LRFN5: variants seen among roughly 807,000 people sequenced by gnomAD.
The protein encoded by LRFN5 is leucine-rich repeat and fibronectin type-III domain-containing protein 5.
Under a neutral mutation model 45.6 loss-of-function variants are expected in LRFN5, and 24 were observed. The ratio of observed to expected loss-of-function variants is 0.53; its 90% confidence interval spans 0.38 to 0.74. The LOEUF (loss-of-function observed/expected upper bound fraction) is 0.74. LRFN5 is among the 30% of genes least tolerant of loss of function. The pLI is 0.00. For missense variants in LRFN5, 776 were observed against 861.5 expected (o/e 0.90, Z 1.24); for synonymous variants, 340 against 313.8 (o/e 1.08, Z -0.88).
Position 41,716,435 on chromosome 14 carries a change from G to A in LRFN5, c.-196-50419G>A, listed in dbSNP as rs193213409. Among the ~76,000 whole-genome samples, 59 of 152,232 alleles carry A rather than the reference G, an allele frequency of 3.9e-4. No homozygotes were observed. In the East Asian group the frequency reaches 8.1e-3, roughly 21 times the overall value. ...TAACAGCACACAAGTCACCTCTTCA[G>A]TGCTTTGCTGCTTAGAAATTTCTTC... On this transcript the variant is annotated intron_variant, in intron 1 of 5. Coordinates refer to ENST00000298119, the MANE Select transcript of LRFN5 (RefSeq NM_152447.5).
chr14:41,856,675 A>ATTTTTTTT lies in LRFN5; in HGVS notation c.-20-29919_-20-29912dup, dbSNP rs1555326982. On this transcript the variant is annotated intron_variant, in intron 2 of 5. Transcript: ENST00000298119. ...TTCTTTCCTAATTATTATTATTATTATTTTTTTTTTTTTTTTTTTGAGACG... is the reference window on the plus strand; with the variant it reads ...TTCTTTCCTAATTATTATTATTATTATTTTTTTTTTTTTTTTTTTTTTTTTTTGAGACG... 6.5e-4 allele frequency among the ~76,000 whole-genome samples: 12 copies of ATTTTTTTT among 18,328 alleles called. 1 individual carries two copies. Among genetic ancestry groups the ATTTTTTTT allele is most frequent in the African/African-American group, 1.4e-3 (11 of 7,816 alleles). The allele number at this position is 18,328 out of a possible 152,430, so 12.0% of individuals were successfully genotyped here.
intron 1 of LRFN5, among the ~76,000 whole-genome samples, chr14:41,613,453 A>C (rs1298051256): frequency 1.3e-5 from 2 of 152,042 alleles, no homozygotes; most frequent in African/African-American, 4.8e-5. Flanking sequence ...ATCTTTTTAC[A>C]AAAGAAATCT....
chr14:41,876,639 T>G lies in LRFN5; in HGVS notation c.-20-9967T>G, dbSNP rs191028814. Among the ~76,000 whole-genome samples the G allele has an allele frequency of 1.7e-4, 26 of 152,062 alleles. No homozygotes were observed. The East Asian group carries it at 5.1e-3, about 30-fold the overall frequency. On this transcript the variant is annotated intron_variant, in intron 2 of 5. Transcript: ENST00000298119. ...CTCCCTTTCACCTGTAAAATATAGGTTTACTGAGCACTAATCAGAGTCTCA... is the reference window on the plus strand; with the variant it reads ...CTCCCTTTCACCTGTAAAATATAGGGTTACTGAGCACTAATCAGAGTCTCA...
chr14:41,875,689 A>G (rs544543096), intron 2 of LRFN5, among the ~76,000 whole-genome samples: 1 of 152,342 alleles, frequency 6.6e-6, no homozygotes, highest in East Asian at 1.9e-4. Flanking sequence ...AAAATGAATG[A>G]CTATAGTTAA....
At chr14:41,688,049 G>C (rs534664773) in intron 1 of LRFN5, among the ~76,000 whole-genome samples, 16 of 152,296 alleles carry the variant, frequency 1.1e-4, no homozygotes, top group African/African-American at 3.8e-4. Flanking sequence ...TATGTTAAGT[G>C]TGGTAAACCA....
chr14:41,777,212 AG>A (rs2138907366), intron 2 of LRFN5, among the ~76,000 whole-genome samples: 1 of 151,908 alleles, frequency 6.6e-6, no homozygotes, highest in East Asian at 1.9e-4. Context: ...TAATTTTAGG[AG>A]TACACAAGTT....
chr14:41,888,972 T>C (rs1890677131), intron 3 of LRFN5, among the ~76,000 whole-genome samples: 1 of 148,980 alleles, frequency 6.7e-6, no homozygotes, highest in South Asian at 2.2e-4. Context: ...TATACACATA[T>C]GTGTGTATGT....
intron 1 of LRFN5, among the ~76,000 whole-genome samples, chr14:41,750,977 C>G (rs904313349): frequency 1.3e-5 from 2 of 152,106 alleles, no homozygotes; most frequent in African/African-American, 4.8e-5. Context: ...CCCTCAGCCC[C>G]CTACGTCCCG....
chr14:41,673,130 C>T (rs145172421), intron 1 of LRFN5, among the ~76,000 whole-genome samples: 9 of 151,988 alleles, frequency 5.9e-5, no homozygotes, highest in East Asian at 1.9e-4. Context: ...TACACAGACA[C>T]GGCAACCATC....
intron 1 of LRFN5, among the ~76,000 whole-genome samples, chr14:41,664,222 A>T (rs1437056943): frequency 1.3e-5 from 2 of 152,080 alleles, no homozygotes; most frequent in Non-Finnish European, 2.9e-5. Context: ...GTGATGTTGT[A>T]CCTTTAACTT....
Position 41,608,506 on chromosome 14 carries a change from A to G in LRFN5, c.-253A>G, listed in dbSNP as rs1300396783. 1 of 152,678 alleles carries G rather than the reference A, an allele frequency of 6.5e-6. No individual in the cohort carries two copies. The highest frequency in any genetic ancestry group is 1.5e-5 in the Non-Finnish European group (1 of 68,092). The allele number at this position is 152,678 out of a possible 1,614,324, so 9.5% of individuals were successfully genotyped here. A position where few individuals can be genotyped will look rare whatever the true frequency, so the allele number is the denominator to read the frequency against. On this transcript the variant is annotated 5_prime_UTR_variant, in exon 1 of 6. Coordinates refer to ENST00000298119, the MANE Select transcript of LRFN5 (RefSeq NM_152447.5). ...AGCCACCTGGAGCCACCTTGCCGGGATTGTACCTGCAGGCAGAAAGTCTTC... is the reference window on the plus strand; with the variant it reads ...AGCCACCTGGAGCCACCTTGCCGGGGTTGTACCTGCAGGCAGAAAGTCTTC...
Position 41,863,013 on chromosome 14 carries a change from C to T in LRFN5, c.-20-23593C>T, listed in dbSNP as rs570600186. ...CCGAGTAGGTGGGACTACAGGCGCCCGCCATGATGCCCGGCTAATTTTTTG... is the reference window on the plus strand; with the variant it reads ...CCGAGTAGGTGGGACTACAGGCGCCTGCCATGATGCCCGGCTAATTTTTTG... On this transcript the variant is annotated intron_variant, in intron 2 of 5. Coordinates refer to ENST00000298119, the MANE Select transcript of LRFN5 (RefSeq NM_152447.5). Among the ~76,000 whole-genome samples the T allele has an allele frequency of 6.8e-4, 103 of 151,870 alleles. 1 individual carries two copies. Among genetic ancestry groups the T allele is most frequent in the South Asian group, 6.3e-4 (3 of 4,796 alleles).
At chr14:41,646,790 T>C (rs1371654268) in intron 1 of LRFN5, among the ~76,000 whole-genome samples, 1 of 152,206 alleles carries the variant, frequency 6.6e-6, no homozygotes, top group Admixed American at 6.5e-5. Context: ...CTGTTGATAT[T>C]GGCCATGGGC....
At chr14:41,862,415 A>G (rs1387722147) in intron 2 of LRFN5, among the ~76,000 whole-genome samples, 2 of 152,170 alleles carry the variant, frequency 1.3e-5, no homozygotes, top group African/African-American at 4.8e-5. Context: ...GGGGTTAATT[A>G]ATTTTTTCTT....
At chr14:41,631,518 CAT>C (rs2138579514) in intron 1 of LRFN5, among the ~76,000 whole-genome samples, 1 of 151,446 alleles carries the variant, frequency 6.6e-6, no homozygotes, top group East Asian at 1.9e-4. Flanking sequence ...AATGAGGAAA[CAT>C]ATAAATAAAA....
At position 41,887,674 on chromosome 14, in the gene LRFN5, A is replaced by G. The variant is rs1269014463; in HGVS notation, c.1049A>G (p.Lys350Arg). ...CTTGACATTCTTATCACAACTGTAA[A>G]GGATACAGGTGCTTTTACCTGCATT... ...GTLDILITTV[K>R]DTGAFTCIAS... Residue 350 changes from lysine to arginine, a missense_variant, in exon 3 of 6, where the codon AAG (lysine) becomes AGG (arginine). Physicochemically the swap from Lys to Arg is conservative, Grantham distance 26. Transcript: ENST00000298119. The surrounding 1 kb of genome is among the most constrained non-coding windows in gnomAD (Gnocchi z 4.8). 2 of 1,614,086 alleles carry G rather than the reference A, an allele frequency of 1.2e-6. No homozygotes were observed. The highest frequency in any genetic ancestry group is 1.7e-6 in the Non-Finnish European group (2 of 1,180,042).
In LRFN5 at chr14:41,772,987, A is replaced by G. The variant is rs190444020; in HGVS notation, c.-21+5958A>G. 2.6e-3 allele frequency among the ~76,000 whole-genome samples: 400 copies of G among 152,264 alleles called. 2 individuals are homozygous for G. The highest frequency in any genetic ancestry group is 9.2e-3 in the African/African-American group (384 of 41,542). On this transcript the variant is annotated intron_variant, in intron 2 of 5. Transcript: ENST00000298119. Reference sequence around the variant, plus strand: ...CCTAAATTATTTACAATACCCAGCGATGTATCTATTTTGCTTATTCTCCAC... The same window carrying G: ...CCTAAATTATTTACAATACCCAGCGGTGTATCTATTTTGCTTATTCTCCAC...
intron 2 of LRFN5, among the ~76,000 whole-genome samples, chr14:41,877,238 T>C (rs1427780728): frequency 1.3e-5 from 2 of 152,182 alleles, no homozygotes; most frequent in South Asian, 2.1e-4. Flanking sequence ...TTGTGCAATA[T>C]AGTTGCACAA....
intron 2 of LRFN5, among the ~76,000 whole-genome samples, chr14:41,802,615 T>TA (rs1487935424): frequency 6.6e-6 from 1 of 152,184 alleles, no homozygotes; most frequent in Non-Finnish European, 1.5e-5. Context: ...TAGGCTAGGA[T>TA]AAAATTTTCT....
Sources: gnomAD v4.1 joint callset for allele counts (sites outside exome capture counted in the v4.1 genomes callset) on GRCh38, gnomAD v4.1.1 for gene constraint, Gnocchi (gnomAD v3.1) non-coding constraint, MANE v1.5 for transcripts, NCBI Gene and HGNC (gene_info 2026-07-23, HGNC 2026-07-21) for gene names.